BLTP1: variants seen among roughly 807,000 people sequenced by gnomAD.
BLTP1 encodes the protein bridge-like lipid transfer protein family member 1, also known as fragile site-associated protein.
chr4:122,352,822 T>C, the BLTP1 span: 4 of 1,537,024 alleles, frequency 2.6e-6, no homozygotes, highest in Admixed American at 3.8e-5. Context: ...CTGTAGAAAG[T>C]AGCCACTTGC....
At chr4:122,226,954 A>G in the BLTP1 span, 3 of 710,078 alleles carry the variant, frequency 4.2e-6, no homozygotes, top group South Asian at 9.8e-5. Context: ...CAGTTTTTTC[A>G]GTTAATAAAA....
chr4:122,289,975 T>G, the BLTP1 span: 1 of 185,522 alleles, frequency 5.4e-6, no homozygotes, highest in Admixed American at 6.5e-5. Context: ...ATCCCAAAAC[T>G]TAAGAATGAA....
the BLTP1 span, chr4:122,349,722 A>T: frequency 6.5e-7 from 1 of 1,531,444 alleles, no homozygotes; most frequent in Admixed American, 2.1e-5. The surrounding 1 kb of genome is among the most constrained non-coding windows in gnomAD (Gnocchi z 4.5). Flanking sequence ...AGAAAACAGC[A>T]ATTTTTCTTA....
At chr4:122,275,093 A>G in the BLTP1 span, among the ~76,000 whole-genome samples, 1 of 152,148 alleles carries the variant, frequency 6.6e-6, no homozygotes, top group Non-Finnish European at 1.5e-5. Context: ...CCTACTATTC[A>G]GATCACATTT....
chr4:122,281,424 C>A, the BLTP1 span: 1 of 1,374,568 alleles, frequency 7.3e-7, no homozygotes, highest in Non-Finnish European at 9.4e-7. Flanking sequence ...GGAAAGAAAA[C>A]ATCTATTCAC....
At chr4:122,208,442 A>G in the BLTP1 span, 9 of 983,538 alleles carry the variant, frequency 9.2e-6, no homozygotes, top group African/African-American at 1.4e-4. Flanking sequence ...AGCCAAATGA[A>G]GATCCTTTGA....
chr4:122,171,851 CTG>C, the BLTP1 span: 96 of 983,010 alleles, frequency 9.8e-5, no homozygotes, highest in Non-Finnish European at 1.1e-4. Context: ...TTTAATCCCT[CTG>C]TTTTACTATG....
chr4:122,289,733 T>C, the BLTP1 span: 1 of 955,168 alleles, frequency 1.0e-6, no homozygotes, highest in Non-Finnish European at 1.2e-6. Context: ...TTTGTATGAA[T>C]GTTATCATGT....
At chr4:122,343,813 A>T in the BLTP1 span, 1 of 491,858 alleles carries the variant, frequency 2.0e-6, no homozygotes, top group Non-Finnish European at 2.6e-6. Flanking sequence ...AAGAATTTTA[A>T]AATTCAGAAT....
chr4:122,343,754 C>T, the BLTP1 span: 103 of 900,798 alleles, frequency 1.1e-4, no homozygotes, highest in Non-Finnish European at 1.5e-4. Flanking sequence ...CTCATATTTA[C>T]GTAATAAGTA....
At chr4:122,352,355 CTTT>C in the BLTP1 span, among the ~76,000 whole-genome samples, 1 of 111,712 alleles carries the variant, frequency 9.0e-6, no homozygotes, top group Non-Finnish European at 1.9e-5. Flanking sequence ...TTTGGTTTTT[CTTT>C]TTTTTTTTTT....
the BLTP1 span, chr4:122,154,035 A>G: frequency 1.0e-6 from 1 of 985,152 alleles, no homozygotes; most frequent in Non-Finnish European, 1.2e-6. Context: ...GTTTGTTAAG[A>G]TGAAACACTG....
At chr4:122,315,788 G>A in the BLTP1 span, 5 of 1,075,742 alleles carry the variant, frequency 4.6e-6, no homozygotes, top group African/African-American at 1.6e-5. Context: ...GTTGCTATTT[G>A]TGGAGGAAGA....
the BLTP1 span, among the ~76,000 whole-genome samples, chr4:122,294,230 A>G: frequency 6.6e-6 from 1 of 152,186 alleles, no homozygotes; most frequent in South Asian, 2.1e-4. Flanking sequence ...TTCCCCCAGG[A>G]CAGCACACCT....
chr4:122,272,178 A>C, the BLTP1 span: 1 of 1,613,030 alleles, frequency 6.2e-7, no homozygotes, highest in African/African-American at 1.3e-5. Context: ...AGCCCTACAG[A>C]GCCAACATGT....
the BLTP1 span, among the ~76,000 whole-genome samples, chr4:122,195,111 A>G: frequency 6.6e-6 from 1 of 152,214 alleles, no homozygotes; most frequent in Non-Finnish European, 1.5e-5. Flanking sequence ...ATCTATTAAC[A>G]TAAGGCATAC....
chr4:122,281,745 T>C, the BLTP1 span: 3 of 1,576,272 alleles, frequency 1.9e-6, no homozygotes, highest in Non-Finnish European at 1.7e-6. Flanking sequence ...GAATACAAGA[T>C]GGGAAGAATG....
At chr4:122,324,659 TAG>T in the BLTP1 span, 1 of 710,368 alleles carries the variant, frequency 1.4e-6, no homozygotes, top group Non-Finnish European at 2.2e-6. Context: ...ATTAGTAAAA[TAG>T]CAATAACAGT....
the BLTP1 span, chr4:122,275,946 A>T: frequency 6.6e-7 from 1 of 1,516,434 alleles, no homozygotes; most frequent in Non-Finnish European, 8.8e-7. Context: ...TTGTTTTCCC[A>T]CTTTCTCTTG....
Sources: allele counts gnomAD v4.1 joint callset (sites outside exome capture counted in the v4.1 genomes callset), GRCh38; gene constraint gnomAD v4.1.1; non-coding constraint Gnocchi (gnomAD v3.1); transcripts MANE v1.5; gene names NCBI Gene and HGNC (gene_info 2026-07-23, HGNC 2026-07-21).